The following PGAP1 variants were observed in gnomAD, a reference collection of about 807,000 sequenced individuals.
The protein encoded by PGAP1 is post-GPI attachment to proteins inositol deacylase 1, also known as GPI inositol-deacylase.
PGAP1 carries 76 observed loss-of-function variants against 127.0 expected under a neutral mutation model. The ratio of observed to expected loss-of-function variants is 0.60; its 90% CI spans 0.50 to 0.72. The LOEUF (loss-of-function observed/expected upper bound fraction) is 0.72. Among genes scored for constraint, PGAP1 ranks in the 30% least tolerant of loss-of-function variants. The pLI is 0.00. For missense variants in PGAP1, 982 were observed against 1,071.3 expected, an observed-to-expected ratio of 0.92 and a Z score of 1.16; for synonymous variants, 362 against 366.5, an observed-to-expected ratio of 0.99 and a Z score of 0.14.
chr2:196,915,602 T>C (rs1702981341), intron 3 of PGAP1, among the ~76,000 whole-genome samples: 1 of 152,170 alleles, frequency 6.6e-6, no homozygotes, highest in Non-Finnish European at 1.5e-5. Context: ...TGCCCTTCCA[T>C]ATCTGATCTG....
intron 20 of PGAP1, among the ~76,000 whole-genome samples, chr2:196,858,647 C>A (rs540088508): frequency 2.0e-5 from 3 of 151,200 alleles, no homozygotes; most frequent in African/African-American, 7.3e-5. Flanking sequence ...AAATGAAAAC[C>A]AAAATTAGTA....
chr2:196,872,322 T>C, intron 18 of PGAP1, 119 bp downstream of exon 18: 1 of 626,876 alleles, frequency 1.6e-6, no homozygotes, highest in Admixed American at 3.0e-5. Context: ...ATATTTTAAA[T>C]GCCTATTTTT....
intron 10 of PGAP1, among the ~76,000 whole-genome samples, chr2:196,886,193 C>T (rs991583986): frequency 6.8e-5 from 9 of 132,586 alleles, no homozygotes; most frequent in Non-Finnish European, 4.6e-5. Context: ...TGGAGTCTTG[C>T]TCTGTCACCC....
chr2:196,926,199 G>C (rs1035194882), intron 1 of PGAP1, among the ~76,000 whole-genome samples: 1 of 152,052 alleles, frequency 6.6e-6, no homozygotes, highest in African/African-American at 2.4e-5. Flanking sequence ...GGAGGAGGCG[G>C]AGGGACAGCG....
rs189175716 is a variant in PGAP1 at position 196,900,985 on chromosome 2, A to T, written c.807+1600T>A. Among the ~76,000 whole-genome samples the T allele has an allele frequency of 2.5e-3, 378 of 152,248 alleles. 2 individuals carry two copies. The highest frequency in any genetic ancestry group is 2.8e-3 in the Non-Finnish European group (189 of 67,998). On this transcript the variant is annotated intron_variant, in intron 5 of 26. Transcript: ENST00000354764. Reference sequence around the variant, plus strand: ...ATCAAATAGATTAGAAAAAATAGGGAAGTACACACACACCCATGCCTACAC... The same window carrying T: ...ATCAAATAGATTAGAAAAAATAGGGTAGTACACACACACCCATGCCTACAC...
intron 1 of PGAP1, 92 bp downstream of exon 1, chr2:196,926,378 A>G: frequency 1.3e-6 from 2 of 1,572,202 alleles, no homozygotes; most frequent in Non-Finnish European, 1.7e-6. Flanking sequence ...CGAGAGGCGC[A>G]GAGAGCCAAG....
chr2:196,919,076 C>A (rs1559373205), intron 2 of PGAP1, among the ~76,000 whole-genome samples: 1 of 152,116 alleles, frequency 6.6e-6, no homozygotes, highest in Non-Finnish European at 1.5e-5. Context: ...AGTCAAGCAT[C>A]TCCTCAAATG....
intron 2 of PGAP1, among the ~76,000 whole-genome samples, chr2:196,919,072 G>A (rs1299714293): frequency 6.6e-6 from 1 of 152,116 alleles, no homozygotes; most frequent in East Asian, 1.9e-4. Flanking sequence ...CCTCAGTCAA[G>A]CATCTCCTCA....
rs142181502 is a variant in PGAP1, at chr2:196,915,089, T to C, written c.477+1329A>G. Among the ~76,000 whole-genome samples, 808 of 152,340 alleles carry C rather than the reference T, an allele frequency of 5.3e-3. 4 individuals carry two copies. The highest frequency in any genetic ancestry group is 0.019 in the African/African-American group (783 of 41,584). On this transcript the variant is annotated intron_variant, in intron 3 of 26. Transcript: ENST00000354764. ...GACCTATCAGTAACATTTGACACAG[T>C]TGATAACTTACTTCTTCCTTCTTTG...
In PGAP1 at chr2:196,842,702, A is replaced by G; in HGVS notation, c.2630+19T>C. The G allele has an allele frequency of 7.6e-7, 1 of 1,323,662 alleles. No homozygotes were observed. The highest frequency in any genetic ancestry group is 1.0e-6 in the Non-Finnish European group (1 of 956,118). The allele number at this position is 1,323,662 out of a possible 1,614,324, so 82.0% of individuals were successfully genotyped here. ...GGCCAAGAACAGATATAAGAAAAAG[A>G]AAGATTAAACTACTGTACCTTGATT... On this transcript the variant is annotated intron_variant, in intron 26 of 26. Transcript: ENST00000354764.
At chr2:196,862,427 C>T (rs1008209521) in intron 20 of PGAP1, among the ~76,000 whole-genome samples, 1 of 152,170 alleles carries the variant, frequency 6.6e-6, no homozygotes, top group Non-Finnish European at 1.5e-5. Flanking sequence ...ATTTTAATTT[C>T]GCCCCGGTCC....
At chr2:196,852,519 T>C (rs1013847717) in intron 20 of PGAP1, among the ~76,000 whole-genome samples, 5 of 151,890 alleles carry the variant, frequency 3.3e-5, no homozygotes, top group Non-Finnish European at 2.9e-5. Flanking sequence ...AATTAATGTA[T>C]ATAAAATATA....
Position 196,844,539 on chromosome 2 carries a change from C to T in PGAP1, c.2322G>A (p.Lys774=), listed in dbSNP as rs374777906. 2 of 1,596,384 alleles carry T rather than the reference C, an allele frequency of 1.3e-6. No homozygotes were observed. Among genetic ancestry groups the T allele is most frequent in the Non-Finnish European group, 1.7e-6 (2 of 1,173,380 alleles). The change falls in exon 24 of 27, where the codon AAG becomes AAA. Residue 774 remains lysine, a synonymous_variant. Transcript: ENST00000354764. ...VHLQASLTTF[K]NSQPVNPKHS... ...TAAAACTTACCACAGGCTGGCTATT[C>T]TTAAAAGTTGTTAAGCTGGCTTGCA...
chr2:196,894,345 A>G (rs955212526), intron 7 of PGAP1, among the ~76,000 whole-genome samples: 6 of 152,224 alleles, frequency 3.9e-5, no homozygotes, highest in African/African-American at 1.4e-4. Context: ...ATGAAATAGA[A>G]TACAGTTCTC....
chr2:196,885,506 G>C (rs1701869879), intron 11 of PGAP1, 31 bp from the exon 12 acceptor site: 1 of 1,445,390 alleles, frequency 6.9e-7, no homozygotes, highest in Non-Finnish European at 9.6e-7. Context: ...TATAATTAAA[G>C]GACAAATATA....
chr2:196,915,372 CCTT>C (rs534641260), intron 3 of PGAP1, among the ~76,000 whole-genome samples: 182 of 152,274 alleles, frequency 1.2e-3, no homozygotes, highest in African/African-American at 3.9e-3. Flanking sequence ...AGACTGTACT[CCTT>C]CTCTTGAACT....
chr2:196,866,552 T>C (rs1334772021), intron 19 of PGAP1, among the ~76,000 whole-genome samples: 2 of 152,272 alleles, frequency 1.3e-5, no homozygotes, highest in South Asian at 2.1e-4. Context: ...ATTCAGGACA[T>C]AGGCATGGGC....
chr2:196,895,416 T>G (rs571533542), intron 7 of PGAP1, among the ~76,000 whole-genome samples: 155 of 152,296 alleles, frequency 1.0e-3, no homozygotes, highest in Non-Finnish European at 1.6e-3. Flanking sequence ...GTCTAGCAAT[T>G]TTAATTGACT....
intron 19 of PGAP1, among the ~76,000 whole-genome samples, chr2:196,865,794 T>C (rs77423546): frequency 0.033 from 4,978 of 152,058 alleles, 109 homozygotes; most frequent in South Asian, 0.088. Context: ...ATAAAATACA[T>C]ATAATAACAA....
Sources: allele counts gnomAD v4.1 joint callset (sites outside exome capture counted in the v4.1 genomes callset), GRCh38; gene constraint gnomAD v4.1.1; transcripts MANE v1.5; gene names NCBI Gene and HGNC (gene_info 2026-07-23, HGNC 2026-07-21).